Variants in CLVS1 observed in about 807,000 individuals in gnomAD.
CLVS1 encodes the protein clavesin-1.
A neutral mutation model predicts 33.1 loss-of-function variants in CLVS1; 10 were observed. That is an observed-to-expected ratio of 0.30 (90% CI 0.19 to 0.51). CLVS1 has a LOEUF of 0.51. Ranked by LOEUF, CLVS1 falls within the 20% of genes least tolerant of loss-of-function variation. The pLI, the probability that CLVS1 is intolerant of heterozygous loss-of-function variation, is 0.97. For missense variants in CLVS1, 343 were observed against 433.4 expected (o/e 0.79, Z 1.85); for synonymous variants, 163 against 166.1 (o/e 0.98, Z 0.14).
At chr8:61,418,343 C>A (rs191925481) in intron 3 of CLVS1, among the ~76,000 whole-genome samples, 129 of 152,172 alleles carry the variant, frequency 8.5e-4, no homozygotes, top group Middle Eastern at 6.8e-3. Context: ...TCAAAAAAAA[C>A]CAACTATTTG....
intron 2 of CLVS1, among the ~76,000 whole-genome samples, chr8:61,201,875 C>T (rs908420281): frequency 9.9e-5 from 15 of 152,268 alleles, no homozygotes; most frequent in African/African-American, 3.4e-4. Flanking sequence ...AGGGTACACT[C>T]GCCAGCAGTT....
At chr8:61,340,559 T>TAC (rs1167580830) in intron 2 of CLVS1, among the ~76,000 whole-genome samples, 3 of 151,356 alleles carry the variant, frequency 2.0e-5, no homozygotes, top group African/African-American at 4.9e-5. Flanking sequence ...TATATATATA[T>TAC]ACCACATTTA....
At chr8:61,202,416 A>T in intron 2 of CLVS1, 1 of 770,546 alleles carries the variant, frequency 1.3e-6, no homozygotes, top group South Asian at 1.4e-5. Flanking sequence ...TTGGTTGTGA[A>T]CTAAAGGCTG....
the CLVS1 span, among the ~76,000 whole-genome samples, chr8:60,992,778 A>G: frequency 3.2e-4 from 49 of 152,300 alleles, no homozygotes; most frequent in Middle Eastern, 3.4e-3. Flanking sequence ...TGTCAGGCTT[A>G]GGCAAATTAA....
the CLVS1 span, among the ~76,000 whole-genome samples, chr8:61,000,351 AAT>A: frequency 5.9e-5 from 9 of 152,134 alleles, no homozygotes; most frequent in Non-Finnish European, 1.3e-4. Context: ...GTGAACATGG[AAT>A]GATTGTAGTT....
chr8:61,444,977 CT>C (rs1816700400), intron 3 of CLVS1, among the ~76,000 whole-genome samples: 1 of 152,136 alleles, frequency 6.6e-6, no homozygotes, highest in African/African-American at 2.4e-5. Context: ...AGCTCCCAGG[CT>C]AGTCATTTGT....
intron 2 of CLVS1, 76 bp from the exon 3 acceptor site, chr8:61,376,529 G>A: frequency 7.0e-7 from 1 of 1,424,304 alleles, no homozygotes; most frequent in East Asian, 2.3e-5. Context: ...GGCATGCGGA[G>A]GCCAGCACTG....
At chr8:61,091,206 A>G (rs986190697) in intron 1 of CLVS1, among the ~76,000 whole-genome samples, 2 of 152,208 alleles carry the variant, frequency 1.3e-5, no homozygotes, top group Non-Finnish European at 2.9e-5. Context: ...CAGAGATCTG[A>G]GCGATGTGGC....
chr8:61,326,202 G>T (rs1811378817), intron 2 of CLVS1, among the ~76,000 whole-genome samples: 1 of 152,174 alleles, frequency 6.6e-6, no homozygotes, highest in Non-Finnish European at 1.5e-5. Context: ...ACCCATTTGG[G>T]TCTGTTGTGT....
chr8:61,199,236 C>A (rs1807678430), intron 2 of CLVS1, among the ~76,000 whole-genome samples: 1 of 151,986 alleles, frequency 6.6e-6, no homozygotes, highest in South Asian at 2.1e-4. Flanking sequence ...TCAAATGTAA[C>A]AAAGCCAAAA....
At chr8:61,210,418 C>T (rs1807947939) in intron 2 of CLVS1, among the ~76,000 whole-genome samples, 2 of 152,212 alleles carry the variant, frequency 1.3e-5, no homozygotes, top group Admixed American at 1.3e-4. Flanking sequence ...ATTACCCAGT[C>T]TCAGGTGTTT....
chr8:61,385,162 G>A (rs908891381), intron 3 of CLVS1, among the ~76,000 whole-genome samples: 7 of 152,188 alleles, frequency 4.6e-5, no homozygotes, highest in Non-Finnish European at 1.0e-4. Flanking sequence ...TTCACGAGAA[G>A]AATATATTAA....
At chr8:61,450,589 A>G (rs1816915754) in intron 3 of CLVS1, among the ~76,000 whole-genome samples, 1 of 152,188 alleles carries the variant, frequency 6.6e-6, no homozygotes, top group Admixed American at 6.5e-5. Context: ...GACGTGCAAG[A>G]CGTGAACTAA....
At position 61,376,839 on chromosome 8, in the gene CLVS1, A is replaced by G. The variant is rs1259236810; in HGVS notation, c.630+60A>G. ...GTGGCAACATACTTTTTAAAAAATT[A>G]TCGCAACCAAAGTAATATTTATCCT... On this transcript the variant is annotated intron_variant, in intron 3 of 5. Coordinates refer to ENST00000325897, the MANE Select transcript of CLVS1 (RefSeq NM_173519.3). 3 of 1,433,170 alleles carry G rather than the reference A, an allele frequency of 2.1e-6. No homozygotes were observed. The African/African-American group carries it at 4.3e-5, about 20-fold the overall frequency. The allele number at this position is 1,433,170 out of a possible 1,614,324, so 88.8% of individuals were successfully genotyped here.
chr8:61,448,882 C>T (rs1253143954), intron 3 of CLVS1, among the ~76,000 whole-genome samples: 3 of 152,142 alleles, frequency 2.0e-5, no homozygotes, highest in African/African-American at 7.2e-5. Context: ...AATGCTAACA[C>T]CTCTGTCATC....
intron 3 of CLVS1, among the ~76,000 whole-genome samples, chr8:61,433,717 G>A (rs965172096): frequency 2.0e-5 from 3 of 151,610 alleles, no homozygotes; most frequent in South Asian, 4.2e-4. Context: ...GAAATGGGAC[G>A]AGCCTGGCCA....
chr8:61,357,494 CTTT>C (rs1167743712), intron 2 of CLVS1, among the ~76,000 whole-genome samples: 9 of 25,810 alleles, frequency 3.5e-4, no homozygotes, highest in South Asian at 1.8e-3. Flanking sequence ...TTTTTCTTTT[CTTT>C]TTTTTTTTTT....
rs375319471 is a variant in CLVS1 at position 61,451,812 on chromosome 8, C to CACACAGAGAG, written c.631-2328_631-2327insCACAGAGAGA. Among the ~76,000 whole-genome samples the CACACAGAGAG allele has an allele frequency of 4.5e-3, 646 of 142,926 alleles. 2 individuals are homozygous for CACACAGAGAG. Among genetic ancestry groups the CACACAGAGAG allele is most frequent in the African/African-American group, 0.016 (622 of 38,218 alleles). The allele number at this position is 142,926 out of a possible 152,430, so 93.8% of individuals were successfully genotyped here. A position where few individuals can be genotyped will look rare whatever the true frequency, so the allele number is the denominator to read the frequency against. The stretch of plus-strand genomic sequence containing the variant: ...CCTCTGTACAAAACACACACACACA[C>CACACAGAGAG]AGAGAGAGAGAGAGAGAGAGAGAGA... On this transcript the variant is annotated intron_variant, in intron 3 of 5. Transcript: ENST00000325897.
At chr8:61,497,803 G>A (rs530297262) in intron 5 of CLVS1, among the ~76,000 whole-genome samples, 5 of 152,142 alleles carry the variant, frequency 3.3e-5, no homozygotes, top group South Asian at 2.1e-4. Flanking sequence ...CCATTCTTAC[G>A]GTTATTTCTT....
Sources: allele counts gnomAD v4.1 joint callset (sites outside exome capture counted in the v4.1 genomes callset), GRCh38; gene constraint gnomAD v4.1.1; transcripts MANE v1.5; gene names NCBI Gene and HGNC (gene_info 2026-07-23, HGNC 2026-07-21).